The following HTR2C variants were observed in gnomAD, a reference collection of about 807,000 sequenced individuals.
HTR2C encodes the protein 5-hydroxytryptamine (serotonin) receptor 2C, G protein-coupled.
HTR2C carries 5 observed loss-of-function variants against 21.0 expected under a neutral mutation model. The observed-to-expected ratio is 0.24, with a 90% confidence interval of 0.12 to 0.50. The LOEUF (loss-of-function observed/expected upper bound fraction) is 0.50, where lower values mean the gene tolerates loss of function less well. Among genes scored for constraint, HTR2C ranks in the 20% least tolerant of loss-of-function variants. The probability of loss-of-function intolerance (pLI) is 0.98; values close to 1 mark genes in which losing one functional copy is unlikely to be tolerated. For synonymous variants in HTR2C, 150 were observed against 145.3 expected, an observed-to-expected ratio of 1.03 and a Z score of -0.23; for missense variants, 271 against 371.2, an observed-to-expected ratio of 0.73 and a Z score of 2.22.
At chrX:114,762,949 A>G (rs2069896167) in intron 4 of HTR2C, among the ~76,000 whole-genome samples, 1 of 112,394 alleles carries the variant, frequency 8.9e-6, no homozygotes, top group East Asian at 2.8e-4. Flanking sequence ...AAGTACTTCT[A>G]GAAGTCACCA....
chrX:114,725,286 C>T (rs1435466019), intron 2 of HTR2C, among the ~76,000 whole-genome samples: 47 of 111,432 alleles, frequency 4.2e-4, no homozygotes, highest in African/African-American at 1.5e-3. Flanking sequence ...TCACTGATAC[C>T]CTTTCTTCCA....
At chrX:114,790,878 A>C (rs782398401) in intron 4 of HTR2C, among the ~76,000 whole-genome samples, 2 of 111,832 alleles carry the variant, frequency 1.8e-5, no homozygotes, top group East Asian at 5.6e-4. Flanking sequence ...TTTACGCTCA[A>C]GATTATTTAG....
intron 2 of HTR2C, among the ~76,000 whole-genome samples, chrX:114,624,734 G>C (rs782186739): frequency 1.8e-5 from 2 of 112,006 alleles, no homozygotes; most frequent in East Asian, 5.6e-4. Context: ...TGATAGTTTA[G>C]AGTCTTCTCC....
chrX:114,659,328 GA>G (rs1403184019), intron 2 of HTR2C, among the ~76,000 whole-genome samples: 1 of 110,867 alleles, frequency 9.0e-6, no homozygotes, highest in Non-Finnish European at 1.9e-5. Context: ...CATCATAGAA[GA>G]ATAATCAGCA....
intron 2 of HTR2C, chrX:114,630,995 G>A: frequency 4.0e-6 from 1 of 249,243 alleles, no homozygotes; most frequent in Non-Finnish European, 8.1e-6. Context: ...CTCAGTAACT[G>A]CTATTACTAG....
intron 4 of HTR2C, among the ~76,000 whole-genome samples, chrX:114,806,817 ACT>A (rs1276923496): frequency 9.9e-6 from 1 of 101,058 alleles, no homozygotes; most frequent in Non-Finnish European, 2.0e-5. Context: ...CCATATATAT[ACT>A]GTATATATAT....
intron 4 of HTR2C, among the ~76,000 whole-genome samples, chrX:114,778,714 T>TA (rs11370877): frequency 0.021 from 2,272 of 109,691 alleles, 60 homozygotes; most frequent in African/African-American, 0.071. Context: ...ATTTTTCATG[T>TA]AAAAAAAAAG....
chrX:114,761,744 CTTGTTTGTAGTCA>C (rs2069868654), intron 4 of HTR2C, among the ~76,000 whole-genome samples: 1 of 108,153 alleles, frequency 9.2e-6, no homozygotes, highest in Admixed American at 1.0e-4. Context: ...CTCCAAAGTC[CTTGTTTGTAGTCA>C]TTGCTTCATG....
At chrX:114,656,456 A>G (rs1930784963) in intron 2 of HTR2C, among the ~76,000 whole-genome samples, 1 of 111,218 alleles carries the variant, frequency 9.0e-6, no homozygotes, top group South Asian at 3.7e-4. Flanking sequence ...TAATGCAATA[A>G]AAGTCCTGCT....
intron 2 of HTR2C, among the ~76,000 whole-genome samples, chrX:114,704,894 G>C (rs1323693703): frequency 9.4e-6 from 1 of 106,378 alleles, no homozygotes; most frequent in African/African-American, 3.4e-5. Flanking sequence ...AAAATCACAA[G>C]CATTCTTATA....
chrX:114,802,151 C>T (rs1208307977), intron 4 of HTR2C, among the ~76,000 whole-genome samples: 1 of 110,800 alleles, frequency 9.0e-6, no homozygotes, highest in African/African-American at 3.3e-5. Flanking sequence ...AATTGAGGCA[C>T]CGTAATTTTG....
chrX:114,650,984 C>T (rs1930545176), intron 2 of HTR2C, among the ~76,000 whole-genome samples: 1 of 111,409 alleles, frequency 9.0e-6, no homozygotes, highest in South Asian at 3.7e-4. Context: ...GAATAATAAT[C>T]CATTATATTT....
At chrX:114,687,639 A>G (rs1273981145) in intron 2 of HTR2C, among the ~76,000 whole-genome samples, 1 of 112,223 alleles carries the variant, frequency 8.9e-6, no homozygotes, top group Non-Finnish European at 1.9e-5. Context: ...TATAAAGTTT[A>G]CAAGTATAAT....
At chrX:114,801,689 T>G (rs781993192) in intron 4 of HTR2C, among the ~76,000 whole-genome samples, 147 of 111,228 alleles carry the variant, frequency 1.3e-3, no homozygotes, top group African/African-American at 4.5e-3. Context: ...TATTTGTGGG[T>G]ACATGGTAGA....
chrX:114,843,494 A>C (rs782158251), intron 4 of HTR2C, among the ~76,000 whole-genome samples: 1 of 111,575 alleles, frequency 9.0e-6, no homozygotes, highest in African/African-American at 3.2e-5. Flanking sequence ...TTGAGACACT[A>C]TCAAGTTTAC....
At chrX:114,742,968 G>C (rs1288558194) in intron 4 of HTR2C, among the ~76,000 whole-genome samples, 1 of 57,075 alleles carries the variant, frequency 1.8e-5, no homozygotes, top group African/African-American at 6.6e-5. Context: ...CTATGAGTGA[G>C]AATATGCGGT....
At chrX:114,878,467 G>A (rs1437909214) in intron 5 of HTR2C, among the ~76,000 whole-genome samples, 1 of 110,817 alleles carries the variant, frequency 9.0e-6, no homozygotes, top group Non-Finnish European at 1.9e-5. Flanking sequence ...ATACGACATT[G>A]TGTTTGGTTG....
At chrX:114,651,747 G>A (rs1027500343) in intron 2 of HTR2C, 8 of 123,172 alleles carry the variant, frequency 6.5e-5, no homozygotes, top group African/African-American at 2.6e-4. Flanking sequence ...TTCCACAACT[G>A]AAATTTTAAA....
intron 2 of HTR2C, among the ~76,000 whole-genome samples, chrX:114,691,080 G>A (rs1292693252): frequency 1.8e-5 from 2 of 111,063 alleles, no homozygotes; most frequent in African/African-American, 6.5e-5. Flanking sequence ...AGAAGCAATT[G>A]AAGGTAAAAA....
Sources: gnomAD v4.1 joint callset for allele counts (sites outside exome capture counted in the v4.1 genomes callset) on GRCh38, gnomAD v4.1.1 for gene constraint, MANE v1.5 for transcripts, NCBI Gene and HGNC (gene_info 2026-07-23, HGNC 2026-07-21) for gene names.